Variants in MAN2A2 observed in about 807,000 individuals in gnomAD.
The protein encoded by MAN2A2 is alpha-mannosidase 2x.
MAN2A2 carries 79 observed loss-of-function variants against 126.8 expected under a neutral mutation model. That is an observed-to-expected ratio of 0.62 (90% CI 0.52 to 0.75). The LOEUF (loss-of-function observed/expected upper bound fraction) is 0.75. Ranked by LOEUF, MAN2A2 falls within the 30% of genes least tolerant of loss-of-function variation. The pLI is 0.00. For missense variants in MAN2A2, 1,392 were observed against 1,522.4 expected (o/e 0.91, Z 1.43); for synonymous variants, 671 against 618.7 (o/e 1.08, Z -1.25).
At position 90,918,638 on chromosome 15, in the gene MAN2A2, C is replaced by T. The variant is rs1175466101; in HGVS notation, c.3190-7C>T. The stretch of plus-strand genomic sequence containing the variant: ...GCCCACTTCCCTGGGCACTGTCTGT[C>T]ATCCAGGAGGACACCCTACCCTCGG... On this transcript the variant is annotated splice_polypyrimidine_tract_variant and splice_region_variant and intron_variant, in intron 21 of 22. Transcript: ENST00000559717. The T allele has an allele frequency of 6.6e-7, 1 of 1,506,456 alleles. No individual in the cohort carries two copies. The highest frequency in any genetic ancestry group is 9.2e-7 in the Non-Finnish European group (1 of 1,083,472). 93.3% of individuals were successfully genotyped at this position (1,506,456 alleles called of 1,614,324 possible).
At chr15:90,911,115 G>T in intron 12 of MAN2A2, 56 bp from the exon 13 acceptor site, 1 of 1,580,544 alleles carries the variant, frequency 6.3e-7, no homozygotes, top group Non-Finnish European at 8.7e-7. Context: ...GGACAGGTGG[G>T]GTGGGAGGAG....
At chr15:90,915,421 C>G (rs1333134108) in intron 19 of MAN2A2, 1 of 152,296 alleles carries the variant, frequency 6.6e-6, no homozygotes, top group Non-Finnish European at 1.5e-5. Flanking sequence ...CCTGCACACA[C>G]TGGGGCCTCT....
At position 90,911,154 on chromosome 15, in the gene MAN2A2, G is replaced by A. The variant is rs202067301; in HGVS notation, c.1876-17G>A. ...GAGCCCATGATGGTTCTTCCCTTCC[G>A]GCTCACTGAATTCCAGGATGACACT... On this transcript the variant is annotated splice_polypyrimidine_tract_variant and intron_variant, in intron 12 of 22. Coordinates refer to ENST00000559717, the MANE Select transcript of MAN2A2 (RefSeq NM_006122.4). The A allele has an allele frequency of 2.4e-5, 39 of 1,613,482 alleles. No individual in the cohort carries two copies. Among genetic ancestry groups the A allele is most frequent in the South Asian group, 3.3e-5 (3 of 91,038 alleles).
At chr15:90,916,335 G>C in intron 20 of MAN2A2, 79 bp downstream of exon 20, 2 of 1,539,064 alleles carry the variant, frequency 1.3e-6, no homozygotes, top group South Asian at 1.2e-5. Flanking sequence ...CCTAGGGCTC[G>C]AGGAGCGTAG....
In MAN2A2 at chr15:90,922,440, C is replaced by G. The variant is rs2035582676; in HGVS notation, c.*2653C>G. The G allele has an allele frequency of 2.0e-5, 3 of 152,116 alleles. No individual in the cohort carries two copies. Among genetic ancestry groups the G allele is most frequent in the Admixed American group, 2.0e-4 (3 of 15,264 alleles). The allele number at this position is 152,116 out of a possible 1,614,324, so 9.4% of individuals were successfully genotyped here. On this transcript the variant is annotated 3_prime_UTR_variant, in exon 23 of 23. Transcript: ENST00000559717. ...TATACGAGAGCTCCACAAATGTGAG[C>G]TATAATCCTACTAGTAAAGGATGCT...
Position 90,905,740 on chromosome 15 carries a change from C to T in MAN2A2, c.535+17C>T. The T allele has an allele frequency of 6.2e-7, 1 of 1,613,086 alleles. No individual in the cohort carries two copies. The highest frequency in any genetic ancestry group is 8.5e-7 in the Non-Finnish European group (1 of 1,179,594). ...ATGACCCAGGTGAGGGCCCTGCAGA[C>T]TCCTGGGAGCTGGAGTGTGGAGTGG... On this transcript the variant is annotated intron_variant, in intron 4 of 22. Transcript: ENST00000559717.
In MAN2A2 at chr15:90,906,370, G is replaced by C. The variant is rs1189403558; in HGVS notation, c.708G>C (p.Arg236Ser). 6.2e-7 allele frequency: 1 copy of C among 1,614,118 alleles called. No homozygotes were observed. The highest frequency in any genetic ancestry group is 1.3e-5 in the African/African-American group (1 of 75,034). The stretch of plus-strand genomic sequence containing the variant: ...CCTGAGTGTGAGTCCTTAACTATAG[G>C]CTGGTGGGAAACGGGCAGCTGGAGA... ...INVQKRAAVR[R>S]LVGNGQLEIA... Residue 236 changes from arginine to serine, a missense_variant and splice_region_variant, in exon 6 of 23, where the codon AGG becomes AGC. Arg to Ser is a moderately radical substitution (Grantham distance 110). Transcript: ENST00000559717.
intron 3 of MAN2A2, 29 bp from the exon 4 acceptor site, chr15:90,905,548 CTG>C (rs1348815057): frequency 1.2e-6 from 2 of 1,614,026 alleles, no homozygotes; most frequent in Non-Finnish European, 1.7e-6. Flanking sequence ...GTGGCCACGA[CTG>C]GGGTACTGAG....
intron 2 of MAN2A2, 63 bp downstream of exon 2, chr15:90,904,402 T>G: frequency 6.4e-7 from 1 of 1,557,250 alleles, no homozygotes; most frequent in Non-Finnish European, 8.7e-7. Context: ...GGTATGCACC[T>G]CCCACCCCGC....
Position 90,905,364 on chromosome 15 carries a change from A to G in MAN2A2, c.246A>G (p.Ala82=). Residue 82 remains alanine (A), a synonymous_variant, in exon 3 of 23, where the codon GCA becomes GCG. Coordinates refer to ENST00000559717, the MANE Select transcript of MAN2A2 (RefSeq NM_006122.4). ...CCGTGCTGGAGCTGACAGCCAACGC[A>G]GAGGGCCCGCCCGCCATGCTGCCCT... ...KDSVLELTAN[A]EGPPAMLPYY... The G allele has an allele frequency of 6.2e-7, 1 of 1,613,842 alleles. No individual in the cohort carries two copies. Among genetic ancestry groups the G allele is most frequent in the Non-Finnish European group, 8.5e-7 (1 of 1,180,034 alleles).
Position 90,906,891 on chromosome 15 carries a change from G to C in MAN2A2, c.987G>C (p.Glu329Asp). Reference sequence around the variant, plus strand: ...ACTTTGCTGCCACCCACAGCCTAGAGTTCATGTGGAGGCAGACATGGGGTA... The same window carrying C: ...ACTTTGCTGCCACCCACAGCCTAGACTTCATGTGGAGGCAGACATGGGGTA... ...KKHFAATHSLEFMWRQTWDSD... is the reference protein window; with the variant it reads ...KKHFAATHSLDFMWRQTWDSD... The change falls in exon 7 of 23, where the codon GAG (glutamate) becomes GAC (aspartate). Residue 329 changes from glutamate (E) to aspartate (D), a missense_variant. By Grantham distance (45) the Glu-to-Asp change is conservative. Transcript: ENST00000559717. 1 of 1,614,020 alleles carries C rather than the reference G, an allele frequency of 6.2e-7. No individual in the cohort carries two copies. The highest frequency in any genetic ancestry group is 1.1e-5 in the South Asian group (1 of 91,090).
chr15:90,907,365 G>A lies in MAN2A2; in HGVS notation c.1066G>A (p.Val356Ile), dbSNP rs755591597. ...CATGATGCCCTTCTACAGCTATGAC[G>A]TCCCCCATACCTGTGGCCCAGATCC... ...CHMMPFYSYD[V>I]PHTCGPDPKI... is the part of the protein sequence containing the mutation. The change falls in exon 8 of 23, where the codon GTC becomes ATC. Residue 356 changes from valine (V) to isoleucine (I), a missense_variant. Val to Ile is a conservative substitution (Grantham distance 29). Transcript: ENST00000559717. The A allele has an allele frequency of 5.0e-6, 8 of 1,614,108 alleles. No individual in the cohort carries two copies. The highest frequency in any genetic ancestry group is 2.2e-5 in the East Asian group (1 of 44,890).
In MAN2A2 at chr15:90,912,464, A is replaced by G. The variant is rs1220109826; in HGVS notation, c.2347-78A>G. Reference sequence around the variant, plus strand: ...GAAGCAGGGCACGGCTCCTTGGGGAAGCTATTCCGTGTCCTCCCAGGAGGC... The same window carrying G: ...GAAGCAGGGCACGGCTCCTTGGGGAGGCTATTCCGTGTCCTCCCAGGAGGC... On this transcript the variant is annotated intron_variant, in intron 15 of 22. Coordinates refer to ENST00000559717, the MANE Select transcript of MAN2A2 (RefSeq NM_006122.4). The G allele has an allele frequency of 3.8e-6, 6 of 1,596,438 alleles. No individual in the cohort carries two copies. In the Admixed American group the frequency reaches 7.1e-5, roughly 19 times the overall value.
Position 90,909,620 on chromosome 15 carries a change from T to TC in MAN2A2, c.1374+116_1374+117insC, listed in dbSNP as rs2034566613. 4.0e-5 allele frequency: 40 copies of TC among 991,648 alleles called. No homozygotes were observed. In the African/African-American group the frequency reaches 4.8e-4, roughly 12 times the overall value. The allele number at this position is 991,648 out of a possible 1,614,324, so 61.4% of individuals were successfully genotyped here. A position where few individuals can be genotyped will look rare whatever the true frequency, so the allele number is the denominator to read the frequency against. ...GGGTGCCCCCCTTTTTTTTTTTTTT[T>TC]TGAGATGGAGTCTCACTCTGTTGCC... On this transcript the variant is annotated intron_variant, in intron 9 of 22. Coordinates refer to ENST00000559717, the MANE Select transcript of MAN2A2 (RefSeq NM_006122.4).
Position 90,912,182 on chromosome 15 carries a change from C to G in MAN2A2, c.2249C>G (p.Ala750Gly), listed in dbSNP as rs765974628. The stretch of plus-strand genomic sequence containing the variant: ...CAGCTGTCCGTCAGCAGGCACGAAG[C>G]GTTTCCTCTCCGTGTCATTGACTCT... ...GRQLSVSRHE[A>G]FPLRVIDSGT... Residue 750 changes from alanine (A) to glycine (G), a missense_variant, in exon 15 of 23, where the codon GCG (alanine) becomes GGG (glycine). Coordinates refer to ENST00000559717, the MANE Select transcript of MAN2A2 (RefSeq NM_006122.4). The G allele has an allele frequency of 8.7e-6, 14 of 1,614,006 alleles. No individual in the cohort carries two copies. The highest frequency in any genetic ancestry group is 1.3e-5 in the African/African-American group (1 of 74,948).
In MAN2A2 at chr15:90,910,211, G is replaced by A. The variant is rs1288908127; in HGVS notation, c.1496G>A (p.Arg499Gln). The stretch of plus-strand genomic sequence containing the variant: ...GGGGATTTCTTCTCCTATGCGGACC[G>A]GGAGGATCATTACTGGACAGGCTAT... ...LSGDFFSYAD[R>Q]EDHYWTGYYT... is the part of the protein sequence containing the mutation. Residue 499 changes from arginine (R) to glutamine (Q), a missense_variant, in exon 10 of 23, where the codon CGG becomes CAG. By Grantham distance (43) the Arg-to-Gln change is conservative. Coordinates refer to ENST00000559717, the MANE Select transcript of MAN2A2 (RefSeq NM_006122.4). 1.9e-5 allele frequency: 30 copies of A among 1,614,050 alleles called. No individual in the cohort carries two copies. The highest frequency in any genetic ancestry group is 4.5e-5 in the East Asian group (2 of 44,894).
At chr15:90,905,745 G>T in intron 4 of MAN2A2, 22 bp downstream of exon 4, 1 of 1,612,390 alleles carries the variant, frequency 6.2e-7, no homozygotes, top group South Asian at 1.1e-5. Context: ...GCAGACTCCT[G>T]GGAGCTGGAG....
At position 90,921,951 on chromosome 15, in the gene MAN2A2, G is replaced by A. The variant is rs555672185; in HGVS notation, c.*2164G>A. 14 of 151,866 alleles carry A rather than the reference G, an allele frequency of 9.2e-5. No individual in the cohort carries two copies. The highest frequency in any genetic ancestry group is 1.6e-4 in the Non-Finnish European group (11 of 67,990). The allele number at this position is 151,866 out of a possible 1,614,324, so 9.4% of individuals were successfully genotyped here. ...CACTAAGTTAGATCTCTACCTCACAGTGTCCATACAAATTAGTTCCAGAGG... is the reference window on the plus strand; with the variant it reads ...CACTAAGTTAGATCTCTACCTCACAATGTCCATACAAATTAGTTCCAGAGG... On this transcript the variant is annotated 3_prime_UTR_variant, in exon 23 of 23. Coordinates refer to ENST00000559717, the MANE Select transcript of MAN2A2 (RefSeq NM_006122.4).
chr15:90,914,289 C>T (rs1300096527), intron 19 of MAN2A2, among the ~76,000 whole-genome samples: 1 of 152,162 alleles, frequency 6.6e-6, no homozygotes, highest in East Asian at 1.9e-4. Context: ...AAGACTGTGC[C>T]ACTGCACTAC....
Sources: allele counts gnomAD v4.1 joint callset (sites outside exome capture counted in the v4.1 genomes callset), GRCh38; gene constraint gnomAD v4.1.1; transcripts MANE v1.5; gene names NCBI Gene and HGNC (gene_info 2026-07-23, HGNC 2026-07-21).